PID1: variants seen among roughly 807,000 people sequenced by gnomAD.
The protein encoded by PID1 is phosphotyrosine interaction domain containing 1, also known as PTB-containing, cubilin and LRP1-interacting protein.
A neutral mutation model predicts 19.1 loss-of-function variants in PID1; 10 were observed. That is an observed-to-expected ratio of 0.52 (90% CI 0.32 to 0.89). The LOEUF (loss-of-function observed/expected upper bound fraction) is 0.89. PID1 is among the 40% of genes least tolerant of loss of function. PID1 has a pLI of 0.03. For missense variants in PID1, 248 were observed against 285.3 expected (o/e 0.87, Z 0.94); for synonymous variants, 130 against 116.0 (o/e 1.12, Z -0.78).
chr2:229,032,668 C>T (rs913372963), intron 2 of PID1, among the ~76,000 whole-genome samples: 7 of 152,096 alleles, frequency 4.6e-5, no homozygotes, highest in African/African-American at 1.7e-4. Context: ...CGGTAAATAC[C>T]AGCATCTTTT....
intron 1 of PID1, among the ~76,000 whole-genome samples, chr2:229,222,951 T>C (rs1166629130): frequency 6.6e-6 from 1 of 151,820 alleles, no homozygotes; most frequent in African/African-American, 2.4e-5. Context: ...CACAGAACCA[T>C]AATTTACCAA....
chr2:229,040,075 T>C (rs1693738536), intron 2 of PID1, among the ~76,000 whole-genome samples: 2 of 148,638 alleles, frequency 1.3e-5, no homozygotes, highest in South Asian at 4.2e-4. Flanking sequence ...TGAGAAAGAG[T>C]ATATGTACTT....
At chr2:229,236,977 TACACACACATACACACACAC>T (rs1416037684) in intron 1 of PID1, among the ~76,000 whole-genome samples, 3 of 56,748 alleles carry the variant, frequency 5.3e-5, no homozygotes, top group South Asian at 6.9e-4. Flanking sequence ...CCTTCTCCTT[TACACACACATACACACACAC>T]ACACACACAC....
chr2:229,194,176 T>C (rs1226112046), intron 1 of PID1, among the ~76,000 whole-genome samples: 2 of 152,088 alleles, frequency 1.3e-5, no homozygotes, highest in Non-Finnish European at 2.9e-5. Flanking sequence ...AAATAATTTC[T>C]AGATGGCTAG....
chr2:229,138,639 T>C (rs11895409), intron 2 of PID1, among the ~76,000 whole-genome samples: 66,796 of 151,840 alleles, frequency 0.44, 15,177 homozygotes, highest in South Asian at 0.57. Context: ...GTTCATTCCC[T>C]CACTTCTTCA....
chr2:229,225,816 T>A (rs1019591951), intron 1 of PID1, among the ~76,000 whole-genome samples: 1 of 152,102 alleles, frequency 6.6e-6, no homozygotes, highest in African/African-American at 2.4e-5. Flanking sequence ...AAGTTCCCTA[T>A]AAAACCATCA....
chr2:229,230,726 C>A (rs1319311413), intron 1 of PID1, among the ~76,000 whole-genome samples: 1 of 152,088 alleles, frequency 6.6e-6, no homozygotes, highest in Non-Finnish European at 1.5e-5. Flanking sequence ...TTTTACATAT[C>A]AAATCACAGT....
chr2:229,048,168 T>C (rs1390736713), intron 2 of PID1, among the ~76,000 whole-genome samples: 3 of 152,220 alleles, frequency 2.0e-5, no homozygotes, highest in African/African-American at 7.2e-5. Context: ...GTATAGGATC[T>C]AGTGATTTTC....
chr2:229,199,042 T>C (rs899031971), intron 1 of PID1, among the ~76,000 whole-genome samples: 2 of 152,052 alleles, frequency 1.3e-5, no homozygotes, highest in African/African-American at 4.8e-5. Flanking sequence ...ATTTTCCTCC[T>C]CTGTTCTGTT....
chr2:229,270,028 T>C (rs554114019), intron 1 of PID1, among the ~76,000 whole-genome samples: 7 of 152,340 alleles, frequency 4.6e-5, no homozygotes, highest in African/African-American at 7.2e-5. Flanking sequence ...TAAATGTTCA[T>C]TGAGAAGCCT....
At chr2:229,195,737 T>A (rs1344628558) in intron 1 of PID1, among the ~76,000 whole-genome samples, 1 of 152,022 alleles carries the variant, frequency 6.6e-6, no homozygotes, top group East Asian at 1.9e-4. Context: ...ACTAAATCAG[T>A]CCCCTTCTTA....
intron 2 of PID1, among the ~76,000 whole-genome samples, chr2:229,089,511 C>T (rs1479442092): frequency 1.3e-5 from 2 of 152,168 alleles, no homozygotes; most frequent in African/African-American, 4.8e-5. Flanking sequence ...GTGAGTGATT[C>T]TTATTGTCAC....
intron 2 of PID1, among the ~76,000 whole-genome samples, chr2:229,112,497 A>T (rs1045986396): frequency 3.9e-5 from 6 of 152,068 alleles, no homozygotes; most frequent in South Asian, 2.1e-4. Context: ...TTATTTATTT[A>T]TTTTTTGAGA....
chr2:229,168,463 G>A (rs980929121), intron 1 of PID1, among the ~76,000 whole-genome samples: 4 of 151,942 alleles, frequency 2.6e-5, no homozygotes, highest in Non-Finnish European at 5.9e-5. Flanking sequence ...GCTCATTAAA[G>A]GCCTTCTTCA....
At chr2:229,247,978 ATCCT>A (rs1690047349) in intron 1 of PID1, among the ~76,000 whole-genome samples, 1 of 151,492 alleles carries the variant, frequency 6.6e-6, no homozygotes, top group Admixed American at 6.6e-5. Context: ...CATCCTCCTC[ATCCT>A]TCCTTCTCTC....
chr2:229,031,215 CAAAA>C (rs3083804), intron 2 of PID1, among the ~76,000 whole-genome samples: 1 of 68,438 alleles, frequency 1.5e-5, no homozygotes, highest in Non-Finnish European at 2.6e-5. Flanking sequence ...GACTCTGTCT[CAAAA>C]AAAAAAAAAA....
chr2:229,170,144 G>A (rs1244399799), intron 1 of PID1, among the ~76,000 whole-genome samples: 2 of 152,158 alleles, frequency 1.3e-5, no homozygotes, highest in Non-Finnish European at 2.9e-5. Flanking sequence ...TGTACTTCCT[G>A]AGCTTTGGTT....
At chr2:229,161,081 T>C (rs1690483930) in intron 1 of PID1, among the ~76,000 whole-genome samples, 1 of 152,182 alleles carries the variant, frequency 6.6e-6, no homozygotes, top group African/African-American at 2.4e-5. Flanking sequence ...ATATGCAACA[T>C]GACACAGGCT....
intron 1 of PID1, among the ~76,000 whole-genome samples, chr2:229,233,490 ATTTTTT>A (rs56199529): frequency 7.0e-5 from 10 of 141,950 alleles, no homozygotes; most frequent in East Asian, 2.1e-4. Context: ...AGTGTGCTAG[ATTTTTT>A]TTTTTTTTTT....
Sources: gnomAD v4.1 joint callset for allele counts (sites outside exome capture counted in the v4.1 genomes callset) on GRCh38, gnomAD v4.1.1 for gene constraint, MANE v1.5 for transcripts, NCBI Gene and HGNC (gene_info 2026-07-23, HGNC 2026-07-21) for gene names.